The following FAT3 variants were observed in gnomAD, a reference collection of about 807,000 sequenced individuals.
FAT3 encodes the protein FAT atypical cadherin 3, also known as protocadherin Fat 3.
In FAT3, 95 loss-of-function variants were observed where a neutral mutation model predicts 310.2. The ratio of observed to expected loss-of-function variants is 0.31; its 90% CI spans 0.26 to 0.36. FAT3 has a LOEUF of 0.36. Ranked by LOEUF, FAT3 falls within the 10% of genes least tolerant of loss-of-function variation. The probability of loss-of-function intolerance (pLI) is 1.00; values close to 1 mark genes in which losing one functional copy is unlikely to be tolerated. For missense variants in FAT3, 5,408 were observed against 5,715.6 expected (o/e 0.95, Z 1.74); for synonymous variants, 2,314 against 2,192.9 (o/e 1.06, Z -1.54).
intron 1 of FAT3, among the ~76,000 whole-genome samples, chr11:92,236,282 G>T (rs558935994): frequency 6.6e-6 from 1 of 152,182 alleles, no homozygotes; most frequent in Non-Finnish European, 1.5e-5. Context: ...ACAGTTTCTG[G>T]TACATAATAA....
At chr11:92,855,199 A>G (rs1444466466) in intron 19 of FAT3, among the ~76,000 whole-genome samples, 3 of 152,228 alleles carry the variant, frequency 2.0e-5, no homozygotes, top group Non-Finnish European at 4.4e-5. Context: ...GTCAGCTGGT[A>G]GGGTTGTGAA....
chr11:92,686,059 G>A (rs1943627567), intron 3 of FAT3, among the ~76,000 whole-genome samples: 1 of 152,074 alleles, frequency 6.6e-6, no homozygotes, highest in Admixed American at 6.6e-5. Flanking sequence ...AAGAAACTGA[G>A]GTGCACATTT....
chr11:92,492,098 T>C (rs1952617580), intron 2 of FAT3, among the ~76,000 whole-genome samples: 1 of 152,142 alleles, frequency 6.6e-6, no homozygotes, highest in African/African-American at 2.4e-5. Flanking sequence ...AGCAATTTGC[T>C]AGACCTAGGT....
At chr11:92,579,302 G>A (rs752836994) in intron 3 of FAT3, among the ~76,000 whole-genome samples, 14 of 152,172 alleles carry the variant, frequency 9.2e-5, no homozygotes, top group Non-Finnish European at 1.2e-4. Context: ...AGAAATATGG[G>A]AGGCAGATGG....
At position 92,825,315 on chromosome 11, in the gene FAT3, A is replaced by G. The variant is rs181698830; in HGVS notation, c.9482-6307A>G. Among the ~76,000 whole-genome samples, 790 of 152,314 alleles carry G rather than the reference A, an allele frequency of 5.2e-3. 4 individuals are homozygous for G. The highest frequency in any genetic ancestry group is 8.2e-3 in the Non-Finnish European group (560 of 68,026). Reference sequence around the variant, plus strand: ...AGTATTGGGGTTCAAAGATAATAAGACACAGTTCCTTTACCTAAAAGGTAC... The same window carrying G: ...AGTATTGGGGTTCAAAGATAATAAGGCACAGTTCCTTTACCTAAAAGGTAC... On this transcript the variant is annotated intron_variant, in intron 13 of 27. Coordinates refer to ENST00000525166, the MANE Select transcript of FAT3 (RefSeq NM_001367949.2).
chr11:92,362,380 T>G (rs1329869903), intron 2 of FAT3, among the ~76,000 whole-genome samples: 1 of 152,264 alleles, frequency 6.6e-6, no homozygotes, highest in Non-Finnish European at 1.5e-5. Flanking sequence ...CTCTCCCATT[T>G]GCCTCTCTGA....
At chr11:92,264,031 C>G (rs778784186) in intron 1 of FAT3, among the ~76,000 whole-genome samples, 1 of 152,070 alleles carries the variant, frequency 6.6e-6, no homozygotes, top group African/African-American at 2.4e-5. Flanking sequence ...GTTAATTTAC[C>G]TATAGACATG....
intron 3 of FAT3, among the ~76,000 whole-genome samples, chr11:92,678,670 T>A (rs1461108599): frequency 6.6e-6 from 1 of 152,202 alleles, no homozygotes; most frequent in Admixed American, 6.5e-5. Context: ...CCGAGTTTTT[T>A]AAATAAAACA....
chr11:92,337,422 T>C (rs1050540497), intron 1 of FAT3, among the ~76,000 whole-genome samples: 6 of 152,098 alleles, frequency 3.9e-5, no homozygotes, highest in Non-Finnish European at 7.4e-5. Context: ...TGGAAAACAG[T>C]TTTTTTGTTT....
intron 2 of FAT3, among the ~76,000 whole-genome samples, chr11:92,462,803 A>AAT (rs1428482296): frequency 6.6e-6 from 1 of 152,228 alleles, no homozygotes; most frequent in Admixed American, 6.5e-5. Context: ...AAATTCCTAC[A>AAT]ATATATAAGA....
chr11:92,256,854 A>G (rs112817861), intron 1 of FAT3, among the ~76,000 whole-genome samples: 290 of 152,238 alleles, frequency 1.9e-3, no homozygotes, highest in Non-Finnish European at 3.6e-3. Context: ...CAGCCAGGAT[A>G]TGAATCCAGA....
rs1290772513 is a variant in FAT3, at chr11:92,840,803, C to T, written c.10566+44C>T. On this transcript the variant is annotated intron_variant, in intron 18 of 27. Coordinates refer to ENST00000525166, the MANE Select transcript of FAT3 (RefSeq NM_001367949.2). ...TCTCCGTCGTGCTGTCTTTCTTTCT[C>T]ATGCTTGTTTCTGTCCCCTTTGGTG... 3.4e-6 allele frequency: 5 copies of T among 1,474,794 alleles called. No individual in the cohort carries two copies. The East Asian group carries it at 9.4e-5, about 28-fold the overall frequency. The allele number at this position is 1,474,794 out of a possible 1,614,324, so 91.4% of individuals were successfully genotyped here. A position where few individuals can be genotyped will look rare whatever the true frequency, so the allele number is the denominator to read the frequency against.
At chr11:92,812,507 G>A (rs759970409) in intron 13 of FAT3, among the ~76,000 whole-genome samples, 69 of 151,798 alleles carry the variant, frequency 4.5e-4, no homozygotes, top group South Asian at 1.5e-3. Flanking sequence ...GCTTGAACCC[G>A]GGAGGCGGAG....
chr11:92,607,595 A>G (rs1451736757), intron 3 of FAT3, among the ~76,000 whole-genome samples: 3 of 152,190 alleles, frequency 2.0e-5, no homozygotes, highest in Admixed American at 1.3e-4. Context: ...GTTGTAAAAC[A>G]AATTAACCAA....
intron 2 of FAT3, among the ~76,000 whole-genome samples, chr11:92,388,438 G>C (rs147833101): frequency 6.6e-6 from 1 of 152,240 alleles, no homozygotes; most frequent in East Asian, 1.9e-4. Context: ...ATCTTTCCTG[G>C]AAGAGAAATG....
chr11:92,572,501 A>G (rs1938229606), intron 3 of FAT3, among the ~76,000 whole-genome samples: 1 of 152,192 alleles, frequency 6.6e-6, no homozygotes, highest in Non-Finnish European at 1.5e-5. Context: ...TAGGTTTTTA[A>G]TATCTGCCCA....
chr11:92,347,553 C>G (rs1948451274), intron 1 of FAT3, among the ~76,000 whole-genome samples: 1 of 152,168 alleles, frequency 6.6e-6, no homozygotes, highest in South Asian at 2.1e-4. Flanking sequence ...AGGTACCCTA[C>G]AGAGCCAAGG....
chr11:92,473,225 A>G (rs1951955790), intron 2 of FAT3, among the ~76,000 whole-genome samples: 1 of 152,142 alleles, frequency 6.6e-6, no homozygotes, highest in South Asian at 2.1e-4. Context: ...ATGTTTGTAT[A>G]CTTAATTGGC....
chr11:92,306,441 C>T (rs1947118137), intron 1 of FAT3, among the ~76,000 whole-genome samples: 1 of 139,992 alleles, frequency 7.1e-6, no homozygotes, highest in Non-Finnish European at 1.5e-5. Flanking sequence ...CCCCCATGAG[C>T]TTTTTCCAAG....
Sources: gnomAD v4.1 joint callset for allele counts (sites outside exome capture counted in the v4.1 genomes callset) on GRCh38, gnomAD v4.1.1 for gene constraint, MANE v1.5 for transcripts, NCBI Gene and HGNC (gene_info 2026-07-23, HGNC 2026-07-21) for gene names.